Variants in TNFRSF10B observed in about 807,000 individuals in gnomAD.
TNFRSF10B encodes the protein tumor necrosis factor receptor superfamily member 10B.
A neutral mutation model predicts 41.4 loss-of-function variants in TNFRSF10B; 35 were observed. The observed-to-expected ratio is 0.85, with a 90% confidence interval of 0.65 to 1.12. The LOEUF is 1.12. TNFRSF10B is among the 50% of genes most tolerant of loss of function. The pLI, the probability that TNFRSF10B is intolerant of heterozygous loss-of-function variation, is 0.00. For missense variants in TNFRSF10B, 584 were observed against 552.7 expected, an observed-to-expected ratio of 1.06 and a Z score of -0.57; for synonymous variants, 230 against 215.5, an observed-to-expected ratio of 1.07 and a Z score of -0.59.
chr8:23,043,236 G>A lies in TNFRSF10B; in HGVS notation c.152C>T (p.Ala51Val), dbSNP rs1392147672. The change falls in exon 2 of 9, where the codon GCT becomes GTT. Residue 51 changes from alanine (A) to valine (V), a missense_variant. Physicochemically the swap from Ala to Val is moderately conservative, Grantham distance 64. Coordinates refer to ENST00000276431, the MANE Select transcript of TNFRSF10B (RefSeq NM_003842.5). ...TTGTTGGGTGATCAGAGCAGACTCA[G>A]CTGAGACCTGTGGGGACAAAGCAGG... ...VVAAVLLLVSAESALITQQDL... is the reference protein window; with the variant it reads ...VVAAVLLLVSVESALITQQDL... 1 of 1,614,018 alleles carries A rather than the reference G, an allele frequency of 6.2e-7. No homozygotes were observed. The highest frequency in any genetic ancestry group is 1.1e-5 in the South Asian group (1 of 91,054).
intron 1 of TNFRSF10B, among the ~76,000 whole-genome samples, chr8:23,051,245 T>G (rs1481177997): frequency 1.3e-5 from 2 of 152,186 alleles, no homozygotes; most frequent in Non-Finnish European, 2.9e-5. Context: ...AGTCAAATGC[T>G]TTTTCAAGTT....
At chr8:23,055,519 C>CTT (rs1554510886) in intron 1 of TNFRSF10B, among the ~76,000 whole-genome samples, 1 of 97,960 alleles carries the variant, frequency 1.0e-5, no homozygotes, top group Non-Finnish European at 2.1e-5. Context: ...CTATTAAATG[C>CTT]TTAAAAAAAA....
chr8:23,025,377 T>C (rs1811672429), intron 7 of TNFRSF10B, among the ~76,000 whole-genome samples: 1 of 152,216 alleles, frequency 6.6e-6, no homozygotes, highest in African/African-American at 2.4e-5. Context: ...TAGAACCATG[T>C]ATTAATTTAA....
At chr8:23,050,917 T>C (rs1192148037) in intron 1 of TNFRSF10B, among the ~76,000 whole-genome samples, 1 of 151,900 alleles carries the variant, frequency 6.6e-6, no homozygotes, top group African/African-American at 2.4e-5. Flanking sequence ...CTAAGAAAAA[T>C]ACAAAAATTA....
Position 23,021,738 on chromosome 8 carries a change from G to T in TNFRSF10B, c.*933C>A. On this transcript the variant is annotated 3_prime_UTR_variant, in exon 9 of 9. Coordinates refer to ENST00000276431, the MANE Select transcript of TNFRSF10B (RefSeq NM_003842.5). Reference sequence around the variant, plus strand: ...ACTCATATACTTGTAAGGTTGTCCAGTTCAAAAGACTGGCCCCTGTAGAAG... The same window carrying T: ...ACTCATATACTTGTAAGGTTGTCCATTTCAAAAGACTGGCCCCTGTAGAAG... The T allele has an allele frequency of 2.2e-6, 1 of 454,136 alleles. No individual in the cohort carries two copies. Among genetic ancestry groups the T allele is most frequent in the Non-Finnish European group, 4.4e-6 (1 of 226,802 alleles). 28.1% of individuals were successfully genotyped at this position (454,136 alleles called of 1,614,324 possible).
At chr8:23,044,358 A>G (rs7836280) in intron 1 of TNFRSF10B, among the ~76,000 whole-genome samples, 64,388 of 152,112 alleles carry the variant, frequency 0.42, 16,284 homozygotes, top group African/African-American at 0.71. Context: ...TGTGCATCCA[A>G]TGATGATCAA....
At chr8:23,045,060 C>CAAAAAAAAAAAAAAAAAAA (rs35953846) in intron 1 of TNFRSF10B, among the ~76,000 whole-genome samples, 1 of 38,810 alleles carries the variant, frequency 2.6e-5, no homozygotes. Context: ...TAATAAAATA[C>CAAAAAAAAAAAAAAAAAAA]AAAAAAAAAA....
At chr8:23,023,200 T>G (rs1484128298) in intron 8 of TNFRSF10B, among the ~76,000 whole-genome samples, 1 of 151,942 alleles carries the variant, frequency 6.6e-6, no homozygotes, top group Non-Finnish European at 1.5e-5. Context: ...GTCAAAGTCG[T>G]CAGAGAATCA....
chr8:23,023,146 G>A (rs1173785882), intron 8 of TNFRSF10B, among the ~76,000 whole-genome samples, 162 bp from the exon 9 acceptor site: 5 of 151,962 alleles, frequency 3.3e-5, no homozygotes, highest in Non-Finnish European at 7.4e-5. Flanking sequence ...CAGAGAGCGC[G>A]CCCACACTGC....
At chr8:23,023,547 G>A (rs1481785660) in intron 8 of TNFRSF10B, among the ~76,000 whole-genome samples, 1 of 152,102 alleles carries the variant, frequency 6.6e-6, no homozygotes, top group Non-Finnish European at 1.5e-5. Flanking sequence ...ATCTCGGGAC[G>A]ATGAGGGATT....
At chr8:23,059,459 C>T (rs79854724) in intron 1 of TNFRSF10B, among the ~76,000 whole-genome samples, 172 of 152,266 alleles carry the variant, frequency 1.1e-3, no homozygotes, top group African/African-American at 3.8e-3. Flanking sequence ...TAACAGGGCA[C>T]GAGGGTTCCA....
At chr8:23,064,491 GC>G (rs1812925987) in intron 1 of TNFRSF10B, among the ~76,000 whole-genome samples, 1 of 152,172 alleles carries the variant, frequency 6.6e-6, no homozygotes, top group Non-Finnish European at 1.5e-5. Flanking sequence ...ACAGAAATGG[GC>G]TCATGGGGGT....
chr8:23,023,690 T>C (rs536389495), intron 8 of TNFRSF10B, among the ~76,000 whole-genome samples: 3 of 152,348 alleles, frequency 2.0e-5, no homozygotes, highest in South Asian at 4.1e-4. Context: ...TTTTAATGTA[T>C]GGTACTGAAT....
At position 23,068,820 on chromosome 8, in the gene TNFRSF10B, C is replaced by G; in HGVS notation, c.75G>C (p.Ala25=). 6.2e-7 allele frequency: 1 copy of G among 1,612,418 alleles called. No individual in the cohort carries two copies. Among genetic ancestry groups the G allele is most frequent in the East Asian group, 2.2e-5 (1 of 44,866 alleles). Residue 25 remains alanine, a synonymous_variant, in exon 1 of 9, where the codon GCG becomes GCC. Coordinates refer to ENST00000276431, the MANE Select transcript of TNFRSF10B (RefSeq NM_003842.5). ...CCCGGGGCCCAGGCCTGGCTCCCCG[C>G]GCCTCCCTGGGTCCTGGGCCGTGCC... ...RKRHGPGPRE[A]RGARPGPRVP...
Position 23,020,553 on chromosome 8 carries a change from G to T in TNFRSF10B, c.*2118C>A, listed in dbSNP as rs553083921. On this transcript the variant is annotated 3_prime_UTR_variant, in exon 9 of 9. Transcript: ENST00000276431. ...CTAAAAATACAAAAATTAGCCAGGC[G>T]TGGTGGCGGGTGCCTGCAATCCCAG... 2.2e-6 allele frequency: 1 copy of T among 445,656 alleles called. No individual in the cohort carries two copies. The highest frequency in any genetic ancestry group is 2.4e-5 in the Admixed American group (1 of 41,804). 27.6% of individuals were successfully genotyped at this position (445,656 alleles called of 1,614,324 possible).
intron 1 of TNFRSF10B, among the ~76,000 whole-genome samples, chr8:23,059,189 A>C (rs1812753875): frequency 1.3e-5 from 2 of 152,126 alleles, no homozygotes; most frequent in Non-Finnish European, 2.9e-5. Flanking sequence ...CTTCCTTTTC[A>C]AGGCTGAGTA....
Position 23,068,239 on chromosome 8 carries a change from C to G in TNFRSF10B, c.144+512G>C, listed in dbSNP as rs373040402. ...GACGACTCCCGCGCACGGAACGGAA[C>G]CACTGGGCCGCAGCGACCACAGGGG... is the stretch of plus-strand genomic sequence containing the variant. On this transcript the variant is annotated intron_variant, in intron 1 of 8. Transcript: ENST00000276431. 99 of 165,988 alleles carry G rather than the reference C, an allele frequency of 6.0e-4. 1 individual carries two copies. The South Asian group carries it at 0.013, about 21-fold the overall frequency. The allele number at this position is 165,988 out of a possible 1,614,324, so 10.3% of individuals were successfully genotyped here.
chr8:23,034,687 C>G (rs999636640), intron 2 of TNFRSF10B, among the ~76,000 whole-genome samples: 1 of 152,220 alleles, frequency 6.6e-6, no homozygotes, highest in African/African-American at 2.4e-5. Flanking sequence ...GATTGTGCCA[C>G]TGCACTCCAG....
At chr8:23,025,056 G>A (rs532451877) in intron 7 of TNFRSF10B, among the ~76,000 whole-genome samples, 1 of 152,218 alleles carries the variant, frequency 6.6e-6, no homozygotes, top group Non-Finnish European at 1.5e-5. Flanking sequence ...AAGCCGGTAA[G>A]TCCGAGCTTA....
Sources: allele counts gnomAD v4.1 joint callset (sites outside exome capture counted in the v4.1 genomes callset), GRCh38; gene constraint gnomAD v4.1.1; transcripts MANE v1.5; gene names NCBI Gene and HGNC (gene_info 2026-07-23, HGNC 2026-07-21).